The following ARHGAP24 variants were observed in gnomAD, a reference collection of about 807,000 sequenced individuals.
ARHGAP24 encodes the protein rho GTPase-activating protein 24.
A neutral mutation model predicts 76.4 loss-of-function variants in ARHGAP24; 50 were observed. The ratio of observed to expected loss-of-function variants is 0.65; its 90% confidence interval spans 0.52 to 0.83. The LOEUF (loss-of-function observed/expected upper bound fraction) is 0.83, where lower values mean the gene tolerates loss of function less well. Ranked by LOEUF, ARHGAP24 falls within the 40% of genes least tolerant of loss-of-function variation. The pLI is 0.00. For missense variants in ARHGAP24, 930 were observed against 914.2 expected, an observed-to-expected ratio of 1.02 and a Z score of -0.22; for synonymous variants, 345 against 323.3, an observed-to-expected ratio of 1.07 and a Z score of -0.72.
At chr4:85,575,335 GTCAC>G (rs780960266) in intron 2 of ARHGAP24, among the ~76,000 whole-genome samples, 4 of 152,106 alleles carry the variant, frequency 2.6e-5, no homozygotes, top group African/African-American at 4.8e-5. Context: ...TATAATTCTT[GTCAC>G]TCACAGGCCA....
intron 3 of ARHGAP24, among the ~76,000 whole-genome samples, chr4:85,822,938 A>G (rs1288664869): frequency 6.6e-6 from 1 of 152,184 alleles, no homozygotes; most frequent in East Asian, 1.9e-4. Flanking sequence ...ACCCATGAAT[A>G]TTTTTAATGC....
chr4:85,962,599 A>G (rs1384738452), intron 5 of ARHGAP24, among the ~76,000 whole-genome samples: 1 of 152,064 alleles, frequency 6.6e-6, no homozygotes, highest in African/African-American at 2.4e-5. Flanking sequence ...ACCTGAAAAT[A>G]GGTCACCTGA....
At chr4:85,894,091 G>A (rs1446769419) in intron 3 of ARHGAP24, among the ~76,000 whole-genome samples, 4 of 49,808 alleles carry the variant, frequency 8.0e-5, no homozygotes, top group Admixed American at 5.7e-4. Flanking sequence ...CTAAAACTTA[G>A]AGTATAATAA....
chr4:85,807,510 T>G (rs1252588450), intron 3 of ARHGAP24, among the ~76,000 whole-genome samples: 1 of 152,190 alleles, frequency 6.6e-6, no homozygotes, highest in Non-Finnish European at 1.5e-5. Context: ...GTTGAATAAA[T>G]AAAGCTTCAA....
At chr4:85,553,319 T>C (rs1057257214) in intron 1 of ARHGAP24, among the ~76,000 whole-genome samples, 5 of 152,164 alleles carry the variant, frequency 3.3e-5, no homozygotes, top group Admixed American at 6.5e-5. Flanking sequence ...CTGGCTCAGG[T>C]GGCCTGCTTT....
chr4:85,735,085 G>T (rs994103886), intron 3 of ARHGAP24, among the ~76,000 whole-genome samples: 1 of 151,856 alleles, frequency 6.6e-6, no homozygotes, highest in Non-Finnish European at 1.5e-5. Context: ...TTCAGGAACC[G>T]TAATCTATTG....
rs116318333 is a variant in ARHGAP24 at position 85,889,375 on chromosome 4, A to G, written c.269-34273A>G. 2.0e-3 allele frequency among the ~76,000 whole-genome samples: 303 copies of G among 152,330 alleles called. 2 individuals carry two copies. The highest frequency in any genetic ancestry group is 7.0e-3 in the African/African-American group (292 of 41,580). On this transcript the variant is annotated intron_variant, in intron 3 of 9. Coordinates refer to ENST00000395184, the MANE Select transcript of ARHGAP24 (RefSeq NM_001025616.3). Reference sequence around the variant, plus strand: ...CAGACAAATTGTAAATTTATAAACTATCCTAATAAGTGAAATTGTAATTAA... The same window carrying G: ...CAGACAAATTGTAAATTTATAAACTGTCCTAATAAGTGAAATTGTAATTAA...
At chr4:85,548,827 A>G (rs948540557) in intron 1 of ARHGAP24, among the ~76,000 whole-genome samples, 1 of 152,164 alleles carries the variant, frequency 6.6e-6, no homozygotes, top group East Asian at 1.9e-4. Context: ...TCCCGTCAGT[A>G]TATACCCCTC....
intron 2 of ARHGAP24, among the ~76,000 whole-genome samples, chr4:85,717,380 A>G (rs1351886661): frequency 1.3e-5 from 2 of 152,092 alleles, no homozygotes; most frequent in African/African-American, 4.8e-5. Flanking sequence ...ATATCAAATT[A>G]ATTGCTTTAT....
intron 2 of ARHGAP24, among the ~76,000 whole-genome samples, chr4:85,621,508 G>C (rs1217884732): frequency 6.6e-6 from 1 of 151,928 alleles, no homozygotes; most frequent in Non-Finnish European, 1.5e-5. Flanking sequence ...GCATTTCTCT[G>C]ATTATTAATA....
chr4:85,723,556 A>G (rs1248872087), intron 3 of ARHGAP24: 1 of 152,344 alleles, frequency 6.6e-6, no homozygotes, highest in South Asian at 2.1e-4. Flanking sequence ...TTTCAAACAA[A>G]TTTATAGGAA....
intron 1 of ARHGAP24, among the ~76,000 whole-genome samples, chr4:85,547,821 G>A (rs947839781): frequency 2.0e-5 from 3 of 152,116 alleles, no homozygotes; most frequent in African/African-American, 7.2e-5. Context: ...TAATTAATTT[G>A]TAAGAAGAAA....
At chr4:85,570,374 CTT>C (rs879119606) in intron 1 of ARHGAP24, 146 bp from the exon 2 acceptor site, 1 of 7,800 alleles carries the variant, frequency 1.3e-4, no homozygotes, top group Non-Finnish European at 2.3e-4. Context: ...CTCTTTCTTT[CTT>C]TCTTTCTTTC....
intron 1 of ARHGAP24, among the ~76,000 whole-genome samples, chr4:85,514,743 C>T (rs1485463384): frequency 6.8e-6 from 1 of 146,128 alleles, no homozygotes; most frequent in Non-Finnish European, 1.5e-5. Context: ...TCATCATAAA[C>T]TTCCACTTGT....
chr4:85,675,217 G>A (rs554320282), intron 2 of ARHGAP24, among the ~76,000 whole-genome samples: 2 of 152,248 alleles, frequency 1.3e-5, no homozygotes, highest in Admixed American at 6.5e-5. Context: ...AAACCATGAC[G>A]CATGTGTCCC....
chr4:85,625,375 A>G (rs1439007939), intron 2 of ARHGAP24, among the ~76,000 whole-genome samples: 1 of 151,852 alleles, frequency 6.6e-6, no homozygotes, highest in East Asian at 1.9e-4. Flanking sequence ...CATGTAGTTG[A>G]GCGGTTTTGA....
intron 2 of ARHGAP24, among the ~76,000 whole-genome samples, chr4:85,677,265 G>C (rs568065044): frequency 6.6e-6 from 1 of 152,208 alleles, no homozygotes; most frequent in African/African-American, 2.4e-5. Flanking sequence ...TTATGTTTAT[G>C]TACAGAAATT....
intron 2 of ARHGAP24, among the ~76,000 whole-genome samples, chr4:85,624,798 T>G (rs1720873696): frequency 6.6e-6 from 1 of 152,220 alleles, no homozygotes; most frequent in Non-Finnish European, 1.5e-5. Flanking sequence ...TGGTTTAGTC[T>G]TTGGAGGATG....
At chr4:85,865,120 C>G (rs1310589657) in intron 3 of ARHGAP24, among the ~76,000 whole-genome samples, 1 of 152,036 alleles carries the variant, frequency 6.6e-6, no homozygotes, top group African/African-American at 2.4e-5. Context: ...GCTGGTTCCT[C>G]TTGGAGAACA....
Sources: allele counts gnomAD v4.1 joint callset (sites outside exome capture counted in the v4.1 genomes callset), GRCh38; gene constraint gnomAD v4.1.1; transcripts MANE v1.5; gene names NCBI Gene and HGNC (gene_info 2026-07-23, HGNC 2026-07-21).